Variants in RINT1 observed in about 807,000 individuals in gnomAD.
The protein encoded by RINT1 is RAD50-interacting protein 1.
RINT1 carries 75 observed loss-of-function variants against 97.7 expected under a neutral mutation model. The observed-to-expected ratio is 0.77, with a 90% CI of 0.64 to 0.93. RINT1 has a LOEUF of 0.93. Ranked by LOEUF, RINT1 falls within the 40% of genes least tolerant of loss-of-function variation. RINT1 has a pLI of 0.00. For missense variants in RINT1, 892 were observed against 925.2 expected (o/e 0.96, Z 0.47); for synonymous variants, 303 against 326.3 (o/e 0.93, Z 0.77).
Position 105,567,578 on chromosome 7 carries a change from A to C in RINT1, c.*267A>C, listed in dbSNP as rs1055516221. ...CTGAGTATGTCTGTTGAAGACGAGC[A>C]GAGATATTAAATTATAACCAACTTT... On this transcript the variant is annotated 3_prime_UTR_variant, in exon 15 of 15. Coordinates refer to ENST00000257700, the MANE Select transcript of RINT1 (RefSeq NM_021930.6). 1 of 609,770 alleles carries C rather than the reference A, an allele frequency of 1.6e-6. No individual in the cohort carries two copies. The highest frequency in any genetic ancestry group is 2.9e-6 in the Non-Finnish European group (1 of 343,350). 37.8% of individuals were successfully genotyped at this position (609,770 alleles called of 1,614,324 possible).
rs560126826 is a variant in RINT1, at chr7:105,563,492, C to T, written c.1672-241C>T. Among the ~76,000 whole-genome samples, 8 of 152,142 alleles carry T rather than the reference C, an allele frequency of 5.3e-5. No individual in the cohort carries two copies. The South Asian group carries it at 1.0e-3, about 20-fold the overall frequency. ...GATTACAGGCACATGCCACCACACC[C>T]GGCTTATTTTTGTATTTTTAGTAGA... On this transcript the variant is annotated intron_variant, in intron 11 of 14. Transcript: ENST00000257700.
intron 3 of RINT1, among the ~76,000 whole-genome samples, chr7:105,537,121 T>G (rs1790268224): frequency 7.7e-6 from 1 of 129,774 alleles, no homozygotes; most frequent in South Asian, 2.4e-4. Flanking sequence ...ACACCATCAT[T>G]TCAATTTTTT....
At position 105,563,785 on chromosome 7, in the gene RINT1, C is replaced by T. The variant is rs1230555366; in HGVS notation, c.1724C>T (p.Thr575Ile). ...CTGGAGGTGTTTGCAGAGAATAATA[C>T]TCTGAGTAAATTGCAGCTAGGACAG... ...AALEVFAENN[T>I]LSKLQLGQLA... The change falls in exon 12 of 15, where the codon ACT becomes ATT. Residue 575 changes from threonine to isoleucine, a missense_variant. By Grantham distance (89) the Thr-to-Ile change is moderately conservative. Transcript: ENST00000257700. 1 of 1,614,014 alleles carries T rather than the reference C, an allele frequency of 6.2e-7. No homozygotes were observed. Among genetic ancestry groups the T allele is most frequent in the African/African-American group, 1.3e-5 (1 of 74,922 alleles).
At chr7:105,546,823 C>A in intron 4 of RINT1, 87 bp from the exon 5 acceptor site, 3 of 913,900 alleles carry the variant, frequency 3.3e-6, no homozygotes, top group Non-Finnish European at 4.9e-6. Flanking sequence ...TTGCATTGAG[C>A]CAAATCATGC....
At chr7:105,547,718 CTTTTTT>C (rs34938925) in intron 6 of RINT1, among the ~76,000 whole-genome samples, 1 of 116,180 alleles carries the variant, frequency 8.6e-6, no homozygotes, top group African/African-American at 3.3e-5. Flanking sequence ...CATTTTTGTG[CTTTTTT>C]TTTTTTTTTT....
chr7:105,550,393 A>G lies in RINT1; in HGVS notation c.1240A>G (p.Ser414Gly), dbSNP rs781158188. ...ACTCTTGTTTGAAAGGGAGCTACAC[A>G]GTGTTCATGGCTATCCTGGCACTTT... ...EVLLFERELH[S>G]VHGYPGTFAS... The change falls in exon 9 of 15, where the codon AGT becomes GGT. Residue 414 changes from serine (S) to glycine (G), a missense_variant. Ser to Gly is a moderately conservative substitution (Grantham distance 56). Transcript: ENST00000257700. The G allele has an allele frequency of 4.3e-6, 7 of 1,614,124 alleles. No individual in the cohort carries two copies. The highest frequency in any genetic ancestry group is 1.6e-4 in the Middle Eastern group (1 of 6,062).
intron 12 of RINT1, chr7:105,565,073 A>G (rs1244248182): frequency 1.2e-5 from 5 of 424,794 alleles, no homozygotes; most frequent in Non-Finnish European, 1.7e-5. Flanking sequence ...TATTTTGGAT[A>G]TATCCCCATA....
At chr7:105,535,949 G>T (rs1286196535) in intron 2 of RINT1, among the ~76,000 whole-genome samples, 1 of 152,174 alleles carries the variant, frequency 6.6e-6, no homozygotes, top group African/African-American at 2.4e-5. Flanking sequence ...GAAACCTGTG[G>T]TTACTGGATC....
chr7:105,546,167 C>T (rs530376273), intron 4 of RINT1, among the ~76,000 whole-genome samples: 7 of 152,280 alleles, frequency 4.6e-5, no homozygotes, highest in Non-Finnish European at 1.0e-4. Flanking sequence ...TCAAGTTCAG[C>T]TGGGCAAAGT....
chr7:105,547,423 A>G (rs1364804588), intron 6 of RINT1, 90 bp downstream of exon 6: 1 of 1,300,758 alleles, frequency 7.7e-7, no homozygotes, highest in East Asian at 2.3e-5. Flanking sequence ...AAAGTGGCCA[A>G]GAAAGCCAAA....
In RINT1 at chr7:105,532,246, C is replaced by T. The variant is rs1586209371; in HGVS notation, c.-70C>T. The T allele has an allele frequency of 2.6e-6, 4 of 1,510,262 alleles. No individual in the cohort carries two copies. The highest frequency in any genetic ancestry group is 3.6e-6 in the Non-Finnish European group (4 of 1,122,730). The allele number at this position is 1,510,262 out of a possible 1,614,324, so 93.6% of individuals were successfully genotyped here. A position where few individuals can be genotyped will look rare whatever the true frequency, so the allele number is the denominator to read the frequency against. The stretch of plus-strand genomic sequence containing the variant: ...CTCCGAGGCTGGGTAGTGAGTGTGT[C>T]GCTGGCCTTAGCCAGACTCCACAGG... On this transcript the variant is annotated 5_prime_UTR_variant, in exon 1 of 15. Coordinates refer to ENST00000257700, the MANE Select transcript of RINT1 (RefSeq NM_021930.6).
intron 9 of RINT1, among the ~76,000 whole-genome samples, chr7:105,551,015 A>G (rs1417691965): frequency 6.6e-6 from 1 of 151,880 alleles, no homozygotes; most frequent in African/African-American, 2.4e-5. Flanking sequence ...TTGGCCTCCC[A>G]AAGTGTCAGA....
chr7:105,539,070 T>C (rs2133363965), intron 3 of RINT1, among the ~76,000 whole-genome samples: 1 of 152,348 alleles, frequency 6.6e-6, no homozygotes, highest in Non-Finnish European at 1.5e-5. Flanking sequence ...TTTTTGTCAT[T>C]CATCTTTTAC....
At chr7:105,553,548 G>A (rs1350696999) in intron 10 of RINT1, among the ~76,000 whole-genome samples, 2 of 149,894 alleles carry the variant, frequency 1.3e-5, no homozygotes, top group Admixed American at 6.7e-5. Flanking sequence ...GTGAAACCCC[G>A]TCTCTACTAA....
chr7:105,566,160 C>G (rs887583388), intron 14 of RINT1, among the ~76,000 whole-genome samples: 3 of 151,536 alleles, frequency 2.0e-5, no homozygotes, highest in Non-Finnish European at 2.9e-5. Context: ...CACCTGTAGT[C>G]CCACCTGCTT....
chr7:105,564,047 C>A, intron 12 of RINT1, 100 bp downstream of exon 12: 1 of 779,600 alleles, frequency 1.3e-6, no homozygotes, highest in Non-Finnish European at 2.1e-6. Context: ...CCGGTTTGGC[C>A]TTATGTACTT....
chr7:105,559,659 G>A (rs773374121), intron 11 of RINT1, among the ~76,000 whole-genome samples: 1 of 151,938 alleles, frequency 6.6e-6, no homozygotes, highest in Non-Finnish European at 1.5e-5. Context: ...GGCAGAGGTT[G>A]CAGTGAGCCA....
Position 105,532,361 on chromosome 7 carries a change from A to G in RINT1, c.42+4A>G. 6.2e-7 allele frequency: 1 copy of G among 1,601,450 alleles called. No individual in the cohort carries two copies. Among genetic ancestry groups the G allele is most frequent in the African/African-American group, 1.3e-5 (1 of 74,878 alleles). The stretch of plus-strand genomic sequence containing the variant: ...CGGCGCCTCTCCTGCAGCCCCGGTG[A>G]GACGGCCCTGGCGTCCCTGGGAGGG... On this transcript the variant is annotated splice_donor_region_variant and intron_variant, in intron 1 of 14. Transcript: ENST00000257700.
chr7:105,548,783 T>A, intron 7 of RINT1, 73 bp downstream of exon 7: 1 of 1,399,704 alleles, frequency 7.1e-7, no homozygotes, highest in Non-Finnish European at 9.7e-7. Flanking sequence ...TTTGCTGGTT[T>A]AAGTTAAAAT....
Sources: allele counts gnomAD v4.1 joint callset (sites outside exome capture counted in the v4.1 genomes callset), GRCh38; gene constraint gnomAD v4.1.1; transcripts MANE v1.5; gene names NCBI Gene and HGNC (gene_info 2026-07-23, HGNC 2026-07-21).